PDE8A: variants seen among roughly 807,000 people sequenced by gnomAD.
The protein encoded by PDE8A is phosphodiesterase 8A, also known as high affinity cAMP-specific and IBMX-insensitive 3',5'-cyclic phosphodiesterase 8A.
In PDE8A, 59 loss-of-function variants were observed where a neutral mutation model predicts 105.0. That is an observed-to-expected ratio of 0.56 (90% CI 0.46 to 0.70). The LOEUF (loss-of-function observed/expected upper bound fraction) is 0.70, where lower values mean the gene tolerates loss of function less well. PDE8A is among the 30% of genes least tolerant of loss of function. The probability of loss-of-function intolerance (pLI) is 0.00; values close to 1 mark genes in which losing one functional copy is unlikely to be tolerated. For missense variants in PDE8A, 1,014 were observed against 1,045.9 expected, an observed-to-expected ratio of 0.97 and a Z score of 0.42; for synonymous variants, 355 against 371.9, an observed-to-expected ratio of 0.95 and a Z score of 0.52.
At chr15:85,113,692 T>A (rs905822885) in intron 13 of PDE8A, among the ~76,000 whole-genome samples, 181 bp from the exon 14 acceptor site, 1 of 152,238 alleles carries the variant, frequency 6.6e-6, no homozygotes, top group Admixed American at 6.5e-5. Context: ...TGCTGTTATT[T>A]GTTTTTTAGA....
At chr15:85,077,925 T>TA (rs918145494) in intron 5 of PDE8A, among the ~76,000 whole-genome samples, 1 of 145,744 alleles carries the variant, frequency 6.9e-6, no homozygotes, top group Non-Finnish European at 1.5e-5. Context: ...GGAAATAAGT[T>TA]AGACAGGTGA....
rs1024307441 is a variant in PDE8A at position 85,138,135 on chromosome 15, A to C, written c.*232A>C. The C allele has an allele frequency of 2.6e-5, 12 of 458,514 alleles. No individual in the cohort carries two copies. The highest frequency in any genetic ancestry group is 2.3e-4 in the African/African-American group (12 of 51,178). The allele number at this position is 458,514 out of a possible 1,614,324, so 28.4% of individuals were successfully genotyped here. A position where few individuals can be genotyped will look rare whatever the true frequency, so the allele number is the denominator to read the frequency against. ...GGGCCTGCTGCAGGAGCTCTTCAGA[A>C]AGGCACATGAGGACCACGGTTTGCC... is the stretch of plus-strand genomic sequence containing the variant. On this transcript the variant is annotated 3_prime_UTR_variant, in exon 22 of 22. Coordinates refer to ENST00000394553, the MANE Select transcript of PDE8A (RefSeq NM_002605.3).
chr15:85,135,452 C>T (rs944621231), intron 20 of PDE8A, among the ~76,000 whole-genome samples: 1 of 152,124 alleles, frequency 6.6e-6, no homozygotes, highest in Non-Finnish European at 1.5e-5. Context: ...ACCATCCCTT[C>T]ACCCGGCCCC....
intron 11 of PDE8A, among the ~76,000 whole-genome samples, chr15:85,106,750 A>G (rs1023183665): frequency 6.6e-6 from 1 of 152,200 alleles, no homozygotes; most frequent in Non-Finnish European, 1.5e-5. Context: ...ACAGTGAGAG[A>G]TGAAAGGCAG....
chr15:85,114,848 A>G (rs980901555), intron 14 of PDE8A, among the ~76,000 whole-genome samples: 2 of 152,062 alleles, frequency 1.3e-5, no homozygotes, highest in African/African-American at 4.8e-5. Context: ...TGGGGGTAGG[A>G]TAGTGTCCTG....
intron 3 of PDE8A, among the ~76,000 whole-genome samples, chr15:85,073,123 G>A (rs1205180854): frequency 6.6e-6 from 1 of 152,044 alleles, no homozygotes; most frequent in African/African-American, 2.4e-5. Flanking sequence ...CAAAAAAAAA[G>A]TGGGGTGGGT....
intron 1 of PDE8A, among the ~76,000 whole-genome samples, chr15:85,036,021 A>G (rs1450592507): frequency 6.6e-6 from 1 of 152,214 alleles, no homozygotes; most frequent in Admixed American, 6.5e-5. Context: ...GACAACACCA[A>G]AAAACAGTCC....
chr15:84,999,865 C>G (rs942118183), intron 1 of PDE8A, among the ~76,000 whole-genome samples: 2 of 152,026 alleles, frequency 1.3e-5, no homozygotes, highest in Admixed American at 1.3e-4. Flanking sequence ...TGAGCTACTG[C>G]GCCCGGCTGG....
chr15:84,997,477 T>G (rs937087467), intron 1 of PDE8A, among the ~76,000 whole-genome samples: 5 of 151,916 alleles, frequency 3.3e-5, no homozygotes, highest in Non-Finnish European at 5.9e-5. Context: ...ATTACAGATA[T>G]GAGCCAACGC....
chr15:85,115,627 G>A, intron 15 of PDE8A, 140 bp downstream of exon 15: 1 of 574,034 alleles, frequency 1.7e-6, no homozygotes, highest in South Asian at 2.4e-5. Context: ...CTGTCCCTGA[G>A]GCGGTACTGT....
chr15:85,051,528 T>C (rs1312166073), intron 1 of PDE8A, among the ~76,000 whole-genome samples: 1 of 152,124 alleles, frequency 6.6e-6, no homozygotes, highest in Non-Finnish European at 1.5e-5. Context: ...GTTACATAGG[T>C]AAATGTGTGC....
intron 8 of PDE8A, among the ~76,000 whole-genome samples, chr15:85,095,281 C>T (rs1447278914): frequency 6.6e-6 from 1 of 152,112 alleles, no homozygotes; most frequent in Non-Finnish European, 1.5e-5. Context: ...GTGAATTACC[C>T]AACCTAATCT....
intron 7 of PDE8A, among the ~76,000 whole-genome samples, chr15:85,089,758 T>G (rs957840017): frequency 2.6e-5 from 4 of 152,242 alleles, no homozygotes; most frequent in African/African-American, 9.6e-5. Flanking sequence ...GGGAATGCCC[T>G]GACCATAGGT....
chr15:85,098,702 G>C (rs772574794), intron 9 of PDE8A, among the ~76,000 whole-genome samples: 1 of 152,172 alleles, frequency 6.6e-6, no homozygotes, highest in Admixed American at 6.5e-5. Context: ...CCTCATGCCT[G>C]TAATCCCAGC....
chr15:85,081,208 A>G (rs186236284), intron 5 of PDE8A, among the ~76,000 whole-genome samples: 51 of 152,322 alleles, frequency 3.3e-4, no homozygotes, highest in African/African-American at 1.2e-3. Context: ...AGGAAAGGCC[A>G]TGAGCTATTT....
intron 1 of PDE8A, among the ~76,000 whole-genome samples, chr15:85,044,525 A>G (rs1488216698): frequency 2.0e-5 from 3 of 152,230 alleles, no homozygotes; most frequent in Non-Finnish European, 2.9e-5. Flanking sequence ...TGCCTTGCAG[A>G]GCCCCAAATT....
At chr15:85,089,467 C>G in intron 7 of PDE8A, 51 bp downstream of exon 7, 1 of 1,110,892 alleles carries the variant, frequency 9.0e-7, no homozygotes, top group Non-Finnish European at 1.3e-6. Context: ...TTGCTTTTTC[C>G]AACTTTTAGG....
chr15:84,985,000 A>G (rs536393974), intron 1 of PDE8A, among the ~76,000 whole-genome samples: 2 of 152,236 alleles, frequency 1.3e-5, no homozygotes, highest in Non-Finnish European at 2.9e-5. Flanking sequence ...GCTCAGACTA[A>G]GTTCAACAGA....
intron 1 of PDE8A, among the ~76,000 whole-genome samples, chr15:85,043,952 C>G (rs2080850687): frequency 6.6e-6 from 1 of 152,170 alleles, no homozygotes; most frequent in South Asian, 2.1e-4. Flanking sequence ...CCACCTTGGC[C>G]TCCCAAAGTG....
Sources: gnomAD v4.1 joint callset for allele counts (sites outside exome capture counted in the v4.1 genomes callset) on GRCh38, gnomAD v4.1.1 for gene constraint, MANE v1.5 for transcripts, NCBI Gene and HGNC (gene_info 2026-07-23, HGNC 2026-07-21) for gene names.